Variants in DPP10 observed in about 807,000 individuals in gnomAD.
DPP10 encodes the protein inactive dipeptidyl peptidase 10.
In DPP10, 33 loss-of-function variants were observed where a neutral mutation model predicts 120.9. That is an observed-to-expected ratio of 0.27 (90% confidence interval 0.21 to 0.37). The LOEUF (loss-of-function observed/expected upper bound fraction) is 0.37. Ranked by LOEUF, DPP10 falls within the 10% of genes least tolerant of loss-of-function variation. The pLI is 1.00. For missense variants in DPP10, 816 were observed against 942.8 expected (o/e 0.87, Z 1.76); for synonymous variants, 337 against 326.1 (o/e 1.03, Z -0.36).
In DPP10 at chr2:115,742,674, C is replaced by T. The variant is rs534736966; in HGVS notation, c.852+2781C>T. 6.6e-5 allele frequency among the ~76,000 whole-genome samples: 10 copies of T among 152,142 alleles called. No individual in the cohort carries two copies. In the East Asian group the frequency reaches 1.9e-3, roughly 29 times the overall value. On this transcript the variant is annotated intron_variant, in intron 9 of 25. Transcript: ENST00000410059. ...CAATTTTCAGATTTTTTATTATCTA[C>T]TCTGGTTTCAAAAAATGTTTTGTTA...
chr2:115,486,913 G>A (rs10167475), intron 3 of DPP10, among the ~76,000 whole-genome samples: 2,249 of 152,166 alleles, frequency 0.015, 58 homozygotes, highest in African/African-American at 0.051. Context: ...ATCACAGGAA[G>A]TACCATTCAT....
chr2:114,518,217 A>T (rs1251966431), intron 1 of DPP10, among the ~76,000 whole-genome samples: 1 of 151,402 alleles, frequency 6.6e-6, no homozygotes, highest in Non-Finnish European at 1.5e-5. Flanking sequence ...AGTTGGGATT[A>T]TAGGTACCCA....
intron 1 of DPP10, among the ~76,000 whole-genome samples, chr2:115,260,781 T>C (rs2059217922): frequency 6.6e-6 from 1 of 152,188 alleles, no homozygotes; most frequent in South Asian, 2.1e-4. Context: ...GGAAGTGTTC[T>C]TTTGAGAAAT....
rs146434473 is a variant in DPP10, at chr2:115,774,556, C to T, written c.1222-2652C>T. ...TTTGGGTTATGCAGTTCTCATATCTCACAAATTGGGTGTCTTTGCACTTAT... is the reference window on the plus strand; with the variant it reads ...TTTGGGTTATGCAGTTCTCATATCTTACAAATTGGGTGTCTTTGCACTTAT... On this transcript the variant is annotated intron_variant, in intron 13 of 25. Transcript: ENST00000410059. Among the ~76,000 whole-genome samples the T allele has an allele frequency of 6.2e-3, 947 of 152,144 alleles. 37 individuals are homozygous for T. The highest frequency in any genetic ancestry group is 1.3e-3 in the Non-Finnish European group (88 of 67,994).
At chr2:114,575,185 G>T (rs896177259) in intron 1 of DPP10, among the ~76,000 whole-genome samples, 1 of 152,072 alleles carries the variant, frequency 6.6e-6, no homozygotes, top group South Asian at 2.1e-4. Context: ...TGCAATTTAG[G>T]AGAGAAAACC....
intron 1 of DPP10, among the ~76,000 whole-genome samples, chr2:115,101,954 CT>C (rs1164895485): frequency 6.6e-6 from 1 of 152,112 alleles, no homozygotes; most frequent in Non-Finnish European, 1.5e-5. Flanking sequence ...TTTCTTCTGA[CT>C]AATTATGAAT....
At chr2:115,795,270 G>A (rs987726305) in intron 19 of DPP10, among the ~76,000 whole-genome samples, 3 of 152,010 alleles carry the variant, frequency 2.0e-5, no homozygotes, top group African/African-American at 7.2e-5. Flanking sequence ...CAGTACCAAG[G>A]GCCCGTCATC....
At chr2:114,982,671 G>T (rs1700157461) in intron 1 of DPP10, among the ~76,000 whole-genome samples, 2 of 151,650 alleles carry the variant, frequency 1.3e-5, no homozygotes, top group African/African-American at 4.8e-5. Flanking sequence ...TGCCATCGTG[G>T]CTCCCTGCAG....
At chr2:115,371,839 CAG>C (rs1412986193) in intron 3 of DPP10, among the ~76,000 whole-genome samples, 3 of 151,952 alleles carry the variant, frequency 2.0e-5, no homozygotes, top group Non-Finnish European at 2.9e-5. Flanking sequence ...TCTAAAAAAA[CAG>C]AGCAGGAAAT....
chr2:115,161,813 T>A, intron 1 of DPP10: 23 of 744,470 alleles, frequency 3.1e-5, no homozygotes, highest in East Asian at 7.7e-5. Context: ...CTTCTTCCCC[T>A]CCCCGCCCCT....
chr2:115,445,584 G>A (rs1294594661), intron 3 of DPP10, among the ~76,000 whole-genome samples: 1 of 152,164 alleles, frequency 6.6e-6, no homozygotes, highest in Non-Finnish European at 1.5e-5. Flanking sequence ...TTTTGTCCCT[G>A]CCCTAGAGAT....
At chr2:114,988,101 G>A (rs1700530343) in intron 1 of DPP10, among the ~76,000 whole-genome samples, 1 of 152,162 alleles carries the variant, frequency 6.6e-6, no homozygotes, top group Admixed American at 6.6e-5. Context: ...ACCGCGCCCG[G>A]CCGCCGGAGA....
At chr2:114,976,104 T>G (rs572093586) in intron 1 of DPP10, among the ~76,000 whole-genome samples, 1 of 152,344 alleles carries the variant, frequency 6.6e-6, no homozygotes, top group Non-Finnish European at 1.5e-5. Context: ...ATATGAATTT[T>G]TTAAATGCTC....
chr2:115,012,315 G>C (rs1558989988), intron 1 of DPP10, among the ~76,000 whole-genome samples: 1 of 152,104 alleles, frequency 6.6e-6, no homozygotes, highest in African/African-American at 2.4e-5. Context: ...TTTGCATCCT[G>C]CGCACAGGAC....
Position 115,777,767 on chromosome 2 carries a change from T to C in DPP10, c.1314-20T>C. On this transcript the variant is annotated intron_variant, in intron 14 of 25. Transcript: ENST00000410059. ...AATAGATCTGTGTCTAATGCTTGTGTTGTTTTCTTTCCTGGACAGTTACTT... is the reference window on the plus strand; with the variant it reads ...AATAGATCTGTGTCTAATGCTTGTGCTGTTTTCTTTCCTGGACAGTTACTT... The C allele has an allele frequency of 6.2e-7, 1 of 1,612,918 alleles. No individual in the cohort carries two copies. Among genetic ancestry groups the C allele is most frequent in the Non-Finnish European group, 8.5e-7 (1 of 1,179,232 alleles).
intron 1 of DPP10, among the ~76,000 whole-genome samples, chr2:114,965,964 C>CAAA (rs57107624): frequency 1.1e-3 from 82 of 74,802 alleles, no homozygotes; most frequent in East Asian, 1.4e-3. Context: ...GACTCCTTCT[C>CAAA]AAAAAAAAAA....
In DPP10 at chr2:115,445,287, G is replaced by A. The variant is rs72842203; in HGVS notation, c.272-54223G>A. 6.7e-3 allele frequency among the ~76,000 whole-genome samples: 1,021 copies of A among 152,276 alleles called. 4 individuals carry two copies. Among genetic ancestry groups the A allele is most frequent in the Non-Finnish European group, 0.011 (737 of 68,020 alleles). On this transcript the variant is annotated intron_variant, in intron 3 of 25. Coordinates refer to ENST00000410059, the MANE Select transcript of DPP10 (RefSeq NM_020868.6). ...ATAAGAAATTTGTACCAGAAGTGGG[G>A]TACTGCTATAAAGATAACATGAAAA... is the stretch of plus-strand genomic sequence containing the variant.
chr2:115,468,441 C>A, intron 3 of DPP10: 1 of 455,074 alleles, frequency 2.2e-6, no homozygotes, highest in South Asian at 1.6e-5. Context: ...CAGGGCTGGC[C>A]ACTGTCCTCT....
chr2:115,580,381 A>G (rs2081943269), intron 5 of DPP10: 1 of 152,186 alleles, frequency 6.6e-6, no homozygotes, highest in African/African-American at 2.4e-5. Context: ...TTAATTTCCA[A>G]TTGATCATTA....
Sources: gnomAD v4.1 joint callset for allele counts (sites outside exome capture counted in the v4.1 genomes callset) on GRCh38, gnomAD v4.1.1 for gene constraint, MANE v1.5 for transcripts, NCBI Gene and HGNC (gene_info 2026-07-23, HGNC 2026-07-21) for gene names.